Variants in TLN2 observed in about 807,000 individuals in gnomAD.
TLN2 encodes the protein talin-2.
A neutral mutation model predicts 294.7 loss-of-function variants in TLN2; 118 were observed. That is an observed-to-expected ratio of 0.40 (90% confidence interval 0.34 to 0.47). TLN2 has a LOEUF of 0.47. TLN2 is among the 20% of genes least tolerant of loss of function. The pLI, the probability that TLN2 is intolerant of heterozygous loss-of-function variation, is 0.84. For synonymous variants in TLN2, 1,431 were observed against 1,304.5 expected (o/e 1.10, Z -2.09); for missense variants, 3,083 against 3,282.2 (o/e 0.94, Z 1.48).
At chr15:62,823,840 G>T in intron 54 of TLN2, 2 of 418,800 alleles carry the variant, frequency 4.8e-6, no homozygotes. Flanking sequence ...ACATCTGCAG[G>T]CAGACTTGTG....
intron 2 of TLN2, among the ~76,000 whole-genome samples, chr15:62,602,793 A>C (rs2047106615): frequency 6.6e-6 from 1 of 151,732 alleles, no homozygotes. Flanking sequence ...ACCTCCAAAT[A>C]TCACAGTATT....
chr15:62,657,620 A>T, intron 8 of TLN2, 151 bp from the exon 9 acceptor site: 1 of 1,199,154 alleles, frequency 8.3e-7, no homozygotes, highest in South Asian at 2.3e-5. Flanking sequence ...CCATGCGGTG[A>T]TCATCCACTG....
chr15:62,646,715 G>A (rs2051898618), intron 3 of TLN2, among the ~76,000 whole-genome samples: 1 of 152,126 alleles, frequency 6.6e-6, no homozygotes, highest in African/African-American at 2.4e-5. Flanking sequence ...GAGGCAGAGT[G>A]GCCAAAGTGA....
intron 20 of TLN2, 68 bp from the exon 21 acceptor site, chr15:62,708,434 G>A: frequency 5.2e-6 from 8 of 1,539,190 alleles, no homozygotes; most frequent in Middle Eastern, 1.9e-4. Context: ...TGATGGGACT[G>A]CGGGGGCACA....
intron 54 of TLN2, among the ~76,000 whole-genome samples, chr15:62,825,699 A>AAT (rs199773466): frequency 3.1e-4 from 41 of 130,600 alleles, no homozygotes; most frequent in African/African-American, 1.1e-3. Context: ...CTAAAAATAC[A>AAT]ATATATATAT....
At chr15:62,480,759 CTT>C (rs1013948465) in intron 1 of TLN2, among the ~76,000 whole-genome samples, 1 of 152,118 alleles carries the variant, frequency 6.6e-6, no homozygotes, top group Admixed American at 6.5e-5. Context: ...CCGGGATGTA[CTT>C]TTTTTCTTTT....
At chr15:62,550,406 C>T (rs1253154842) in intron 1 of TLN2, among the ~76,000 whole-genome samples, 1 of 152,162 alleles carries the variant, frequency 6.6e-6, no homozygotes, top group Non-Finnish European at 1.5e-5. Flanking sequence ...GTCGGCCTCC[C>T]AGTTGGAAAT....
At chr15:62,454,441 C>A (rs898311753) in intron 1 of TLN2, among the ~76,000 whole-genome samples, 2 of 152,132 alleles carry the variant, frequency 1.3e-5, no homozygotes, top group African/African-American at 2.4e-5. Flanking sequence ...ATGAATGGGA[C>A]CTGAGAGCCG....
intron 3 of TLN2, among the ~76,000 whole-genome samples, chr15:62,634,825 T>C (rs2050228613): frequency 1.3e-5 from 2 of 152,284 alleles, no homozygotes; most frequent in Admixed American, 6.5e-5. Context: ...ACCATGCACA[T>C]CCACATGGCT....
rs374601336 is a variant in TLN2, at chr15:62,497,801, T to C, written c.-237-91886T>C. Among the ~76,000 whole-genome samples the C allele has an allele frequency of 2.0e-5, 3 of 152,134 alleles. No individual in the cohort carries two copies. The South Asian group carries it at 6.2e-4, about 31-fold the overall frequency. On this transcript the variant is annotated intron_variant, in intron 1 of 58. Transcript: ENST00000636159. ...TTTAAGAAGAATGATTTCCAGTGCTTGTCTGGTTCCTTTTTTCCATGGTGG... is the reference window on the plus strand; with the variant it reads ...TTTAAGAAGAATGATTTCCAGTGCTCGTCTGGTTCCTTTTTTCCATGGTGG...
chr15:62,463,841 C>T (rs1469654642), intron 1 of TLN2, among the ~76,000 whole-genome samples: 2 of 152,232 alleles, frequency 1.3e-5, no homozygotes, highest in South Asian at 2.1e-4. Context: ...GAGCTGAGAT[C>T]GCGCCACTGC....
At chr15:62,593,616 A>T (rs1051746766) in intron 2 of TLN2, among the ~76,000 whole-genome samples, 6 of 152,206 alleles carry the variant, frequency 3.9e-5, no homozygotes, top group Non-Finnish European at 8.8e-5. Context: ...TTTATCTGCA[A>T]TTGAGTATTT....
intron 1 of TLN2, among the ~76,000 whole-genome samples, chr15:62,496,197 C>G (rs1170691349): frequency 6.6e-6 from 1 of 152,150 alleles, no homozygotes; most frequent in African/African-American, 2.4e-5. Context: ...ACTCACTGTT[C>G]CCATGGATCT....
At chr15:62,839,682 A>C (rs1352285128) in intron 58 of TLN2, among the ~76,000 whole-genome samples, 1 of 152,196 alleles carries the variant, frequency 6.6e-6, no homozygotes, top group Non-Finnish European at 1.5e-5. Context: ...AGGAGCACTG[A>C]AGTTATTCAT....
intron 2 of TLN2, among the ~76,000 whole-genome samples, chr15:62,608,577 C>T (rs557306650): frequency 7.9e-5 from 12 of 152,130 alleles, no homozygotes; most frequent in Admixed American, 3.3e-4. Context: ...GATGACTCTC[C>T]GTTTCTGGTG....
chr15:62,688,568 A>G (rs2141048981), intron 12 of TLN2, among the ~76,000 whole-genome samples: 1 of 152,074 alleles, frequency 6.6e-6, no homozygotes, highest in East Asian at 1.9e-4. Flanking sequence ...ATCTTTGTTA[A>G]TTTTCTGCCT....
At chr15:62,566,215 C>G (rs2043380383) in intron 1 of TLN2, among the ~76,000 whole-genome samples, 1 of 151,966 alleles carries the variant, frequency 6.6e-6, no homozygotes, top group African/African-American at 2.4e-5. Flanking sequence ...CAAGAGAGGC[C>G]AGTAGCTGGG....
chr15:62,558,791 G>A (rs1010863059), intron 1 of TLN2, among the ~76,000 whole-genome samples: 1 of 152,138 alleles, frequency 6.6e-6, no homozygotes, highest in African/African-American at 2.4e-5. Context: ...AGTTAGCAAA[G>A]TTTGTTCACG....
intron 41 of TLN2, 79 bp from the exon 42 acceptor site, chr15:62,770,885 G>A (rs746547861): frequency 4.9e-5 from 75 of 1,515,912 alleles, no homozygotes; most frequent in African/African-American, 1.7e-4. Context: ...TTCCCCTCCC[G>A]CGCCTGACTG....
Sources: allele counts gnomAD v4.1 joint callset (sites outside exome capture counted in the v4.1 genomes callset), GRCh38; gene constraint gnomAD v4.1.1; transcripts MANE v1.5; gene names NCBI Gene and HGNC (gene_info 2026-07-23, HGNC 2026-07-21).